Variants in MUCL1 observed in about 807,000 individuals in gnomAD.
MUCL1 encodes mucin like 1.
A neutral mutation model predicts 9.2 loss-of-function variants in MUCL1; 11 were observed. The observed-to-expected ratio is 1.19, with a 90% CI of 0.75 to 1.97. The LOEUF is 1.97. Ranked by LOEUF, MUCL1 falls within the 30% of genes most tolerant of loss-of-function variation. MUCL1 has a pLI of 0.00. For missense variants in MUCL1, 144 were observed against 110.9 expected, an observed-to-expected ratio of 1.30 and a Z score of -1.34; for synonymous variants, 48 against 40.5, an observed-to-expected ratio of 1.19 and a Z score of -0.71.
At position 54,858,243 on chromosome 12, in the gene MUCL1, G is replaced by A. The variant is rs1224002109; in HGVS notation, c.*1G>A. Reference sequence around the variant, plus strand: ...CCCGAATGGTAGAGTGTGTCCCTGAGATGGAATCAGCTTGAGTCTTCTGCA... The same window carrying A: ...CCCGAATGGTAGAGTGTGTCCCTGAAATGGAATCAGCTTGAGTCTTCTGCA... On this transcript the variant is annotated 3_prime_UTR_variant, in exon 4 of 4. Coordinates refer to ENST00000308796, the MANE Select transcript of MUCL1 (RefSeq NM_058173.3). The A allele has an allele frequency of 2.5e-6, 4 of 1,613,486 alleles. No individual in the cohort carries two copies. The South Asian group carries it at 3.3e-5, about 13-fold the overall frequency.
rs1457811703 is a variant in MUCL1 at position 54,854,518 on chromosome 12, C to T, written c.-65C>T. The T allele has an allele frequency of 3.0e-5, 40 of 1,320,720 alleles. No individual in the cohort carries two copies. The highest frequency in any genetic ancestry group is 4.4e-5 in the African/African-American group (3 of 68,286). 81.8% of individuals were successfully genotyped at this position (1,320,720 alleles called of 1,614,324 possible). A position where few individuals can be genotyped will look rare whatever the true frequency, so the allele number is the denominator to read the frequency against. ...TCAGGATGTGGAATCCTGAAGTCAGCGCCTTGCCTTCTCTTAGGCTTTGAA... is the reference window on the plus strand; with the variant it reads ...TCAGGATGTGGAATCCTGAAGTCAGTGCCTTGCCTTCTCTTAGGCTTTGAA... On this transcript the variant is annotated 5_prime_UTR_variant, in exon 1 of 4. Transcript: ENST00000308796.
chr12:54,831,523 T>G (rs771424177), intron 1 of MUCL1, among the ~76,000 whole-genome samples: 3 of 152,100 alleles, frequency 2.0e-5, no homozygotes, highest in Non-Finnish European at 4.4e-5. Context: ...TAACTTGAGA[T>G]GATGACTAAC....
intron 1 of MUCL1, among the ~76,000 whole-genome samples, chr12:54,844,456 C>A (rs1959231954): frequency 6.6e-6 from 1 of 152,110 alleles, no homozygotes; most frequent in Non-Finnish European, 1.5e-5. Flanking sequence ...AAGGATCTGG[C>A]TGAAAGGTGA....
At chr12:54,853,747 C>A (rs78203233), upstream of MUCL1, among the ~76,000 whole-genome samples, 6 of 152,042 alleles carry the variant, frequency 3.9e-5, no homozygotes, top group African/African-American at 1.4e-4. Context: ...TGAATTCCTG[C>A]AAAACCATGT....
upstream of MUCL1, among the ~76,000 whole-genome samples, chr12:54,851,036 A>G (rs570461382): frequency 1.1e-4 from 16 of 152,092 alleles, no homozygotes; most frequent in African/African-American, 2.9e-4. Context: ...ATTTGTTTGA[A>G]TTCATTGTAG....
At chr12:54,840,805 G>T (rs74090516) in intron 1 of MUCL1, among the ~76,000 whole-genome samples, 10,439 of 152,200 alleles carry the variant, frequency 0.069, 778 homozygotes, top group African/African-American at 0.19. Context: ...GTGGGGAGTA[G>T]CAGGTGGCAG....
chr12:54,855,393 C>T, intron 2 of MUCL1: 1 of 500,686 alleles, frequency 2.0e-6, no homozygotes, highest in South Asian at 2.7e-5. Flanking sequence ...CAAATGTGGA[C>T]TTATTATTCA....
chr12:54,834,090 T>G (rs1472052020), intron 1 of MUCL1, among the ~76,000 whole-genome samples: 1 of 152,168 alleles, frequency 6.6e-6, no homozygotes, highest in African/African-American at 2.4e-5. Flanking sequence ...GTAGTTTAAT[T>G]CATTAACCTA....
chr12:54,835,654 C>A (rs1424337315), upstream of MUCL1, among the ~76,000 whole-genome samples: 8 of 149,468 alleles, frequency 5.4e-5, no homozygotes, highest in Non-Finnish European at 1.0e-4. Flanking sequence ...TGTCTTGTTC[C>A]AGGTCTTCGT....
intron 3 of MUCL1, among the ~76,000 whole-genome samples, chr12:54,857,736 G>A (rs1868311557): frequency 6.6e-6 from 1 of 152,040 alleles, no homozygotes; most frequent in African/African-American, 2.4e-5. Flanking sequence ...GAGCACACGG[G>A]CAGAAAGAAA....
intron 2 of MUCL1, among the ~76,000 whole-genome samples, chr12:54,855,782 A>G (rs1868294183): frequency 6.6e-6 from 1 of 152,232 alleles, no homozygotes; most frequent in African/African-American, 2.4e-5. Context: ...CCCATGCACA[A>G]GTTAAGGGGG....
Position 54,856,879 on chromosome 12 carries a change from T to C in MUCL1, c.210T>C (p.Arg70=), listed in dbSNP as rs371508787. The C allele has an allele frequency of 2.0e-4, 325 of 1,613,694 alleles. No individual in the cohort carries two copies. Among genetic ancestry groups the C allele is most frequent in the Non-Finnish European group, 2.7e-4 (317 of 1,179,834 alleles). The change falls in exon 3 of 4, where the codon CGT becomes CGC. Residue 70 remains arginine (R), a synonymous_variant. Transcript: ENST00000308796. ...CCACCGCTGCTTCTACCACTGCTCG[T>C]AAAGACATTCCAGGTAGCAAGACTC... The part of the protein sequence containing the change: ...TATTAASTTA[R]KDIPVLPKWV...
At chr12:54,830,967 T>G (rs1255754226) in intron 1 of MUCL1, 2 of 152,216 alleles carry the variant, frequency 1.3e-5, no homozygotes, top group African/African-American at 4.8e-5. Flanking sequence ...GTCTTAAAAA[T>G]GTCTGCTACA....
At chr12:54,833,006 TTA>T (rs1288391477) in intron 1 of MUCL1, among the ~76,000 whole-genome samples, 3 of 152,244 alleles carry the variant, frequency 2.0e-5, no homozygotes, top group African/African-American at 7.2e-5. Flanking sequence ...TGGATTTATA[TTA>T]TGTTTTTCTT....
rs569042284 is a variant in MUCL1 at position 54,857,561 on chromosome 12, A to T, written c.224-632A>T. 4.6e-5 allele frequency among the ~76,000 whole-genome samples: 7 copies of T among 152,242 alleles called. No individual in the cohort carries two copies. The South Asian group carries it at 1.4e-3, about 32-fold the overall frequency. ...CCAGGAACTGTGTCATAAAATTTAC[A>T]TATGTATTATAATTTAAATATCACA... On this transcript the variant is annotated intron_variant, in intron 3 of 3. Transcript: ENST00000308796.
chr12:54,857,525 C>T lies in MUCL1; in HGVS notation c.223+633C>T, dbSNP rs535267518. The stretch of plus-strand genomic sequence containing the variant: ...GTATTGATTACAACATTTATTCAAT[C>T]GGAACATATGCCAGGAACTGTGTCA... On this transcript the variant is annotated intron_variant, in intron 3 of 3. Coordinates refer to ENST00000308796, the MANE Select transcript of MUCL1 (RefSeq NM_058173.3). 3.3e-5 allele frequency among the ~76,000 whole-genome samples: 5 copies of T among 152,054 alleles called. No individual in the cohort carries two copies. In the East Asian group the frequency reaches 7.7e-4, roughly 23 times the overall value.
At chr12:54,839,152 C>A (rs78623411), upstream of MUCL1, among the ~76,000 whole-genome samples, 40 of 151,800 alleles carry the variant, frequency 2.6e-4, no homozygotes, top group African/African-American at 9.4e-4. Flanking sequence ...TTTATTAGAA[C>A]TTAATTTGGC....
At chr12:54,840,461 AG>A (rs1233760854) in intron 1 of MUCL1, among the ~76,000 whole-genome samples, 2 of 152,326 alleles carry the variant, frequency 1.3e-5, no homozygotes, top group East Asian at 3.9e-4. Flanking sequence ...GCCTCTAGCC[AG>A]GAGGTGGCAC....
Position 54,856,765 on chromosome 12 carries a change from T to G in MUCL1, c.101-5T>G, listed in dbSNP as rs10783685. 0.46 allele frequency: 733,390 copies of G among 1,605,660 alleles called. 175,079 individuals carry two copies. Among genetic ancestry groups the G allele is most frequent in the East Asian group, 0.7 (31,254 of 44,354 alleles). Reference sequence around the variant, plus strand: ...CTCACCTAGAGCTTTTCCTTCTAATTTCAGCTGGTCCTGCTGATGATGAAG... The same window carrying G: ...CTCACCTAGAGCTTTTCCTTCTAATGTCAGCTGGTCCTGCTGATGATGAAG... On this transcript the variant is annotated splice_polypyrimidine_tract_variant and splice_region_variant and intron_variant, in intron 2 of 3. Coordinates refer to ENST00000308796, the MANE Select transcript of MUCL1 (RefSeq NM_058173.3).
Sources: allele counts gnomAD v4.1 joint callset (sites outside exome capture counted in the v4.1 genomes callset), GRCh38; gene constraint gnomAD v4.1.1; transcripts MANE v1.5; gene names NCBI Gene and HGNC (gene_info 2026-07-23, HGNC 2026-07-21).